Variants in DMRT3 observed in about 807,000 individuals in gnomAD.
The protein encoded by DMRT3 is doublesex- and mab-3-related transcription factor 3.
Under a neutral mutation model 34.9 loss-of-function variants are expected in DMRT3, and 29 were observed. The ratio of observed to expected loss-of-function variants is 0.83; its 90% CI spans 0.62 to 1.13. The LOEUF is 1.13. Among genes scored for constraint, DMRT3 ranks in the 50% most tolerant of loss-of-function variants. The pLI, the probability that DMRT3 is intolerant of heterozygous loss-of-function variation, is 0.00. For synonymous variants in DMRT3, 350 were observed against 286.0 expected (o/e 1.22, Z -2.26); for missense variants, 772 against 629.1 (o/e 1.23, Z -2.43).
intron 1 of DMRT3, among the ~76,000 whole-genome samples, chr9:977,730 T>C (rs1448059657): frequency 6.6e-6 from 1 of 152,070 alleles, no homozygotes; most frequent in Non-Finnish European, 1.5e-5. Flanking sequence ...CCTTCCCAGG[T>C]TGAAGGGTTC....
At chr9:984,403 T>C (rs987590373) in intron 1 of DMRT3, among the ~76,000 whole-genome samples, 1 of 152,188 alleles carries the variant, frequency 6.6e-6, no homozygotes, top group Non-Finnish European at 1.5e-5. Flanking sequence ...TTTTCGTAGA[T>C]ATAATTGGAT....
intron 1 of DMRT3, among the ~76,000 whole-genome samples, chr9:988,675 CG>C (rs1449150456): frequency 6.6e-6 from 1 of 152,002 alleles, no homozygotes; most frequent in Non-Finnish European, 1.5e-5. Context: ...GAAATTTCAC[CG>C]GCTGGCTATC....
At chr9:984,792 T>G (rs139375019) in intron 1 of DMRT3, among the ~76,000 whole-genome samples, 9 of 152,310 alleles carry the variant, frequency 5.9e-5, no homozygotes, top group Middle Eastern at 3.4e-3. Context: ...AGCAGAATGT[T>G]TGTTTCTCAT....
chr9:980,208 G>A (rs548160747), intron 1 of DMRT3, among the ~76,000 whole-genome samples: 7 of 152,278 alleles, frequency 4.6e-5, no homozygotes, highest in African/African-American at 1.2e-4. Context: ...AAACCACCCC[G>A]TTGAGGGAGT....
intron 1 of DMRT3, among the ~76,000 whole-genome samples, chr9:989,575 A>G (rs1214906802): frequency 6.6e-6 from 1 of 152,220 alleles, no homozygotes; most frequent in Non-Finnish European, 1.5e-5. Context: ...TCAGATATTA[A>G]AATTCCCTGT....
rs764727932 is a variant in DMRT3 at position 977,270 on chromosome 9, C to G, written c.269C>G (p.Ser90Trp). Residue 90 changes from serine (S) to tryptophan (W), a missense_variant, in exon 1 of 2, where the codon TCG (serine) becomes TGG (tryptophan). Ser to Trp is a radical substitution (Grantham distance 177). Coordinates refer to ENST00000190165, the MANE Select transcript of DMRT3 (RefSeq NM_021240.4). Reference sequence around the variant, plus strand: ...AGCTTGGAGAGCCTCATCCCCGACTCGCTGCGCGCTCTGCCAGGGCCCCCG... The same window carrying G: ...AGCTTGGAGAGCCTCATCCCCGACTGGCTGCGCGCTCTGCCAGGGCCCCCG... ...NESLESLIPDSLRALPGPPPP... is the reference protein window; with the variant it reads ...NESLESLIPDWLRALPGPPPP... 6.6e-7 allele frequency: 1 copy of G among 1,522,762 alleles called. No individual in the cohort carries two copies. Among genetic ancestry groups the G allele is most frequent in the Non-Finnish European group, 8.9e-7 (1 of 1,129,792 alleles). 94.3% of individuals were successfully genotyped at this position (1,522,762 alleles called of 1,614,324 possible). A position where few individuals can be genotyped will look rare whatever the true frequency, so the allele number is the denominator to read the frequency against.
chr9:987,845 G>A (rs559060818), intron 1 of DMRT3, among the ~76,000 whole-genome samples: 26 of 152,096 alleles, frequency 1.7e-4, no homozygotes, highest in African/African-American at 6.0e-4. Flanking sequence ...TATTTGACTT[G>A]TTTTTCCAAT....
chr9:981,380 A>G (rs1045731908), intron 1 of DMRT3, among the ~76,000 whole-genome samples: 3 of 152,212 alleles, frequency 2.0e-5, no homozygotes, highest in African/African-American at 7.2e-5. Context: ...GAAGAAAAGA[A>G]AAGCGGGAAA....
Position 991,390 on chromosome 9 carries a change from T to C in DMRT3, c.*385T>C, listed in dbSNP as rs1291897820. ...ATGCAATTTTGTAAAAGTGGATTCC[T>C]CAGGATATGTGAAACCTAAAGGAAG... On this transcript the variant is annotated 3_prime_UTR_variant, in exon 2 of 2. Transcript: ENST00000190165. 2 of 167,442 alleles carry C rather than the reference T, an allele frequency of 1.2e-5. No individual in the cohort carries two copies. Among genetic ancestry groups the C allele is most frequent in the African/African-American group, 4.8e-5 (2 of 41,826 alleles). The allele number at this position is 167,442 out of a possible 1,614,324, so 10.4% of individuals were successfully genotyped here.
chr9:990,645 C>T lies in DMRT3; in HGVS notation c.1059C>T (p.Pro353=). 3.7e-6 allele frequency: 6 copies of T among 1,614,174 alleles called. No homozygotes were observed. The highest frequency in any genetic ancestry group is 1.3e-5 in the African/African-American group (1 of 75,052). Residue 353 remains proline, a synonymous_variant, in exon 2 of 2, where the codon CCC becomes CCT. Transcript: ENST00000190165. ...ACTCTAGCAACGTTGTCCCCAGTCC[C>T]TTGGCTGGGCCTCTGCAGCCCCCTT... The part of the protein sequence containing the change: ...SADSSNVVPS[P]LAGPLQPPFP...
chr9:983,117 G>C (rs1820241977), intron 1 of DMRT3, among the ~76,000 whole-genome samples: 1 of 152,110 alleles, frequency 6.6e-6, no homozygotes, highest in South Asian at 2.1e-4. Context: ...AAAATAACTA[G>C]GTATGGGGTT....
chr9:984,755 C>T (rs1209472523), intron 1 of DMRT3, among the ~76,000 whole-genome samples: 1 of 152,112 alleles, frequency 6.6e-6, no homozygotes, highest in Non-Finnish European at 1.5e-5. Flanking sequence ...CCGCGCCCAG[C>T]CAGATTTTTC....
At chr9:985,848 A>G (rs1820276768) in intron 1 of DMRT3, among the ~76,000 whole-genome samples, 1 of 152,226 alleles carries the variant, frequency 6.6e-6, no homozygotes, top group African/African-American at 2.4e-5. Context: ...GCTCAGGTGC[A>G]TAAGCCTCAC....
In DMRT3 at chr9:977,108, G is replaced by A. The variant is rs1357329235; in HGVS notation, c.107G>A (p.Gly36Asp). Residue 36 changes from glycine (G) to aspartate (D), a missense_variant, in exon 1 of 2, where the codon GGC becomes GAC. Transcript: ENST00000190165. ...AAGTGCGCGCGCTGCCGCAACCATGGCGTCCTGTCCTGGCTCAAGGGCCAC... is the reference window on the plus strand; with the variant it reads ...AAGTGCGCGCGCTGCCGCAACCATGACGTCCTGTCCTGGCTCAAGGGCCAC... ...TPKCARCRNHGVLSWLKGHKR... is the reference protein window; with the variant it reads ...TPKCARCRNHDVLSWLKGHKR... 6.2e-7 allele frequency: 1 copy of A among 1,608,412 alleles called. No homozygotes were observed. Among genetic ancestry groups the A allele is most frequent in the Admixed American group, 1.7e-5 (1 of 59,670 alleles).
intron 1 of DMRT3, among the ~76,000 whole-genome samples, chr9:984,747 G>A (rs1298890627): frequency 2.0e-5 from 3 of 152,068 alleles, no homozygotes; most frequent in East Asian, 1.9e-4. Context: ...GTGAGCCACC[G>A]CGCCCAGCCA....
Position 990,528 on chromosome 9 carries a change from T to A in DMRT3, c.942T>A (p.Phe314Leu). ...SLALPSNGHIFEHTLSSYPIS... is the reference protein window; with the variant it reads ...SLALPSNGHILEHTLSSYPIS... ...CGTTGCCCTCCAATGGGCACATCTT[T>A]GAACACACCTTGAGCTCCTACCCCA... The change falls in exon 2 of 2, where the codon TTT (phenylalanine) becomes TTA (leucine). Residue 314 changes from phenylalanine (F) to leucine (L), a missense_variant. Transcript: ENST00000190165. The A allele has an allele frequency of 1.2e-6, 2 of 1,614,082 alleles. No homozygotes were observed. Among genetic ancestry groups the A allele is most frequent in the Non-Finnish European group, 1.7e-6 (2 of 1,180,012 alleles).
At chr9:983,949 C>T (rs150311908) in intron 1 of DMRT3, among the ~76,000 whole-genome samples, 1,523 of 151,518 alleles carry the variant, frequency 0.01, 11 homozygotes, top group Non-Finnish European at 0.017. Flanking sequence ...CTCCCCAACC[C>T]GGCAATCCAC....
Position 991,272 on chromosome 9 carries a change from G to A in DMRT3, c.*267G>A. ...TGTTAAGAATAGTCTTGGGAAGGCT[G>A]GGTCCGTGGAAGATTTATTTGGGGA... is the stretch of plus-strand genomic sequence containing the variant. On this transcript the variant is annotated 3_prime_UTR_variant, in exon 2 of 2. Transcript: ENST00000190165. 3.1e-6 allele frequency: 1 copy of A among 326,460 alleles called. No homozygotes were observed. Among genetic ancestry groups the A allele is most frequent in the Non-Finnish European group, 5.5e-6 (1 of 182,318 alleles). 20.2% of individuals were successfully genotyped at this position (326,460 alleles called of 1,614,324 possible).
Position 990,531 on chromosome 9 carries a change from A to C in DMRT3, c.945A>C (p.Glu315Asp), listed in dbSNP as rs558388580. 6.2e-7 allele frequency: 1 copy of C among 1,613,998 alleles called. No homozygotes were observed. The highest frequency in any genetic ancestry group is 1.7e-5 in the Admixed American group (1 of 59,998). Residue 315 changes from glutamate (E) to aspartate (D), a missense_variant, in exon 2 of 2, where the codon GAA becomes GAC. Transcript: ENST00000190165. ...LALPSNGHIF[E>D]HTLSSYPISS... ...TGCCCTCCAATGGGCACATCTTTGAACACACCTTGAGCTCCTACCCCATCT... is the reference window on the plus strand; with the variant it reads ...TGCCCTCCAATGGGCACATCTTTGACCACACCTTGAGCTCCTACCCCATCT...
Sources: allele counts gnomAD v4.1 joint callset (sites outside exome capture counted in the v4.1 genomes callset), GRCh38; gene constraint gnomAD v4.1.1; transcripts MANE v1.5; gene names NCBI Gene and HGNC (gene_info 2026-07-23, HGNC 2026-07-21).